THUMPD2: variants seen among roughly 807,000 people sequenced by gnomAD.
THUMPD2 encodes the protein THUMP domain 2 tRNA and snRNA guanosine methyltransferase.
THUMPD2 carries 56 observed loss-of-function variants against 49.4 expected under a neutral mutation model. The observed-to-expected ratio is 1.13, with a 90% CI of 0.91 to 1.41. THUMPD2 has a LOEUF of 1.41. Ranked by LOEUF, THUMPD2 falls within the 40% of genes most tolerant of loss-of-function variation. The pLI is 0.00. For missense variants in THUMPD2, 709 were observed against 594.5 expected (o/e 1.19, Z -2.00); for synonymous variants, 237 against 205.2 (o/e 1.15, Z -1.32).
At chr2:39,740,441 G>A (rs950892110) in intron 9 of THUMPD2, among the ~76,000 whole-genome samples, 1 of 152,062 alleles carries the variant, frequency 6.6e-6, no homozygotes, top group Non-Finnish European at 1.5e-5. Flanking sequence ...GTATCCTTTT[G>A]TGCATATGTA....
chr2:39,769,791 A>G lies in THUMPD2; in HGVS notation c.591T>C (p.Ile197=). The change falls in exon 3 of 10, where the codon ATT becomes ATC. Residue 197 remains isoleucine (I), a synonymous_variant. Coordinates refer to ENST00000505747, the MANE Select transcript of THUMPD2 (RefSeq NM_025264.5). ...EEFQNDIEKA[I]DTHNQNDLTF... ...TCAAGTCATTCTGATTATGAGTATC[A>G]ATTGCTTTCTCTATGTCATTCTGAA... 2.5e-6 allele frequency: 4 copies of G among 1,605,814 alleles called. No individual in the cohort carries two copies. The highest frequency in any genetic ancestry group is 3.4e-6 in the Non-Finnish European group (4 of 1,178,066).
At position 39,748,548 on chromosome 2, in the gene THUMPD2, C is replaced by T. The variant is rs113403768; in HGVS notation, c.1079-4070G>A. ...AAACCCCATACAAAAATTAGCTGGG[C>T]GTGGTAGCATGCGCCTGTAGTCCCA... On this transcript the variant is annotated intron_variant, in intron 8 of 9. Transcript: ENST00000505747. Among the ~76,000 whole-genome samples, 802 of 152,072 alleles carry T rather than the reference C, an allele frequency of 5.3e-3. 8 individuals carry two copies. The highest frequency in any genetic ancestry group is 0.018 in the African/African-American group (742 of 41,484).
chr2:39,758,512 T>A (rs1428681446), intron 6 of THUMPD2, among the ~76,000 whole-genome samples: 1 of 151,988 alleles, frequency 6.6e-6, no homozygotes, highest in African/African-American at 2.4e-5. Flanking sequence ...AGAACAGCAG[T>A]GGAACCCAGA....
intron 5 of THUMPD2, among the ~76,000 whole-genome samples, chr2:39,763,169 GC>G (rs1437670845): frequency 1.3e-5 from 2 of 151,862 alleles, no homozygotes; most frequent in African/African-American, 2.4e-5. Context: ...CTGCATGTGT[GC>G]ATTTTTTTTT....
At chr2:39,766,019 C>T (rs765289949) in intron 5 of THUMPD2, 38 bp downstream of exon 5, 3 of 1,509,210 alleles carry the variant, frequency 2.0e-6, no homozygotes, top group African/African-American at 1.4e-5. Context: ...ATTTAACCAT[C>T]TGTCTTATGG....
In THUMPD2 at chr2:39,768,498, C is replaced by T. The variant is rs1343253577; in HGVS notation, c.676G>A (p.Val226Ile). The change falls in exon 4 of 10, where the codon GTA becomes ATA. Residue 226 changes from valine (V) to isoleucine (I), a missense_variant. Val to Ile is a conservative substitution (Grantham distance 29). Transcript: ENST00000505747. ...ATAGCAATTCCAATTACTTTTCCTACCTCCTGGAAAAGTACCAAGTTAAAG... is the reference window on the plus strand; with the variant it reads ...ATAGCAATTCCAATTACTTTTCCTATCTCCTGGAAAAGTACCAAGTTAAAG... ...TIGKAFTAQE[V>I]GKVIGIAIMK... The T allele has an allele frequency of 6.2e-7, 1 of 1,609,970 alleles. No homozygotes were observed. Among genetic ancestry groups the T allele is most frequent in the Non-Finnish European group, 8.5e-7 (1 of 1,178,068 alleles).
Position 39,768,464 on chromosome 2 carries a change from T to G in THUMPD2, c.710A>C (p.His237Pro). 6.2e-7 allele frequency: 1 copy of G among 1,613,096 alleles called. No homozygotes were observed. Among genetic ancestry groups the G allele is most frequent in the African/African-American group, 1.3e-5 (1 of 75,026 alleles). The change falls in exon 4 of 10, where the codon CAC (histidine) becomes CCC (proline). Residue 237 changes from histidine (H) to proline (P), a missense_variant. His to Pro is a moderately conservative substitution (Grantham distance 77). Coordinates refer to ENST00000505747, the MANE Select transcript of THUMPD2 (RefSeq NM_025264.5). ...CCTCAAGTCTGCTTTCCATCCAAAG[T>G]GTTTCATAATAGCAATTCCAATTAC... ...GKVIGIAIMKHFGWKADLRNP... is the reference protein window; with the variant it reads ...GKVIGIAIMKPFGWKADLRNP...
At chr2:39,762,088 A>G (rs931924176) in intron 5 of THUMPD2, among the ~76,000 whole-genome samples, 2 of 152,126 alleles carry the variant, frequency 1.3e-5, no homozygotes, top group Non-Finnish European at 2.9e-5. Flanking sequence ...AATGTCATCT[A>G]TTATTTCTGT....
At chr2:39,778,648 C>A (rs1000011613) in intron 1 of THUMPD2, among the ~76,000 whole-genome samples, 1 of 152,192 alleles carries the variant, frequency 6.6e-6, no homozygotes, top group East Asian at 1.9e-4. Context: ...CTATTTACTG[C>A]GTGTTTAAAG....
intron 5 of THUMPD2, among the ~76,000 whole-genome samples, 161 bp downstream of exon 5, chr2:39,765,896 G>A (rs549443967): frequency 6.6e-6 from 1 of 152,140 alleles, no homozygotes; most frequent in African/African-American, 2.4e-5. Flanking sequence ...TATCCACTAA[G>A]TTCCGTGAAA....
intron 8 of THUMPD2, among the ~76,000 whole-genome samples, chr2:39,754,500 A>G (rs1407879463): frequency 6.6e-6 from 1 of 152,198 alleles, no homozygotes; most frequent in Non-Finnish European, 1.5e-5. Context: ...CCTCCTGATT[A>G]TAGGTCTGAT....
intron 1 of THUMPD2, among the ~76,000 whole-genome samples, chr2:39,776,997 G>C (rs142222180): frequency 3.3e-4 from 51 of 152,302 alleles, no homozygotes; most frequent in African/African-American, 1.1e-3. Flanking sequence ...AATCATTCTT[G>C]AATTAATCTG....
At chr2:39,737,981 G>T (rs550383223) in intron 9 of THUMPD2, among the ~76,000 whole-genome samples, 2 of 152,270 alleles carry the variant, frequency 1.3e-5, no homozygotes, top group South Asian at 4.1e-4. Flanking sequence ...ACACATAAGT[G>T]CGGATTCCAC....
At chr2:39,766,279 C>G in intron 4 of THUMPD2, 170 bp from the exon 5 acceptor site, 1 of 453,042 alleles carries the variant, frequency 2.2e-6, no homozygotes, top group Non-Finnish European at 3.9e-6. Context: ...TTTTCTTAAG[C>G]AGAAGGAAAC....
intron 1 of THUMPD2, among the ~76,000 whole-genome samples, chr2:39,772,789 T>C (rs887766181): frequency 6.6e-6 from 1 of 152,184 alleles, no homozygotes; most frequent in Admixed American, 6.5e-5. Flanking sequence ...CCAGGGAATG[T>C]GGGGTTTCCT....
At position 39,779,153 on chromosome 2, in the gene THUMPD2, G is replaced by A; in HGVS notation, c.87C>T (p.Phe29=). The A allele has an allele frequency of 6.6e-7, 1 of 1,519,784 alleles. No homozygotes were observed. The highest frequency in any genetic ancestry group is 8.8e-7 in the Non-Finnish European group (1 of 1,139,508). 94.1% of individuals were successfully genotyped at this position (1,519,784 alleles called of 1,614,324 possible). Residue 29 remains phenylalanine (F), a synonymous_variant, in exon 1 of 10, where the codon TTC becomes TTT. Transcript: ENST00000505747. ...GCCGCGCCCGCACCTCTCGCATTAC[G>A]AACGGCTCCAGGCCGCGACCCGCAG... ...FCTAGRGLEP[F]VMREVRARLA... is the part of the protein sequence containing the mutation.
rs1673162436 is a variant in THUMPD2, at chr2:39,736,968, T to G, written c.1279A>C (p.Asn427His). 6.2e-7 allele frequency: 1 copy of G among 1,614,002 alleles called. No individual in the cohort carries two copies. The highest frequency in any genetic ancestry group is 1.3e-5 in the African/African-American group (1 of 74,910). ...TDCKESNIPF[N>H]SKDSHTDEPG... ...TCATCTGTGTGACTGTCCTTGGAAT[T>G]GAAAGGGATGTTGCTCTCTTTACAA... Residue 427 changes from asparagine to histidine, a missense_variant, in exon 10 of 10, where the codon AAT becomes CAT. Asn to His is a moderately conservative substitution (Grantham distance 68). Coordinates refer to ENST00000505747, the MANE Select transcript of THUMPD2 (RefSeq NM_025264.5).
chr2:39,740,424 T>C (rs904519355), intron 9 of THUMPD2, among the ~76,000 whole-genome samples: 2 of 152,144 alleles, frequency 1.3e-5, no homozygotes, highest in African/African-American at 2.4e-5. Flanking sequence ...TGTAGAGTAG[T>C]AAACATGTAT....
chr2:39,774,369 G>A (rs1678789753), intron 1 of THUMPD2, among the ~76,000 whole-genome samples: 1 of 152,198 alleles, frequency 6.6e-6, no homozygotes, highest in Non-Finnish European at 1.5e-5. Flanking sequence ...CTATTTAGAA[G>A]TTTGTGAAAT....
Sources: allele counts gnomAD v4.1 joint callset (sites outside exome capture counted in the v4.1 genomes callset), GRCh38; gene constraint gnomAD v4.1.1; transcripts MANE v1.5; gene names NCBI Gene and HGNC (gene_info 2026-07-23, HGNC 2026-07-21).